Variants in BAZ2B observed in about 807,000 individuals in gnomAD.
BAZ2B encodes the protein bromodomain adjacent to zinc finger domain protein 2B.
Under a neutral mutation model 246.0 loss-of-function variants are expected in BAZ2B, and 91 were observed. The observed-to-expected ratio is 0.37, with a 90% CI of 0.31 to 0.44. The LOEUF (loss-of-function observed/expected upper bound fraction) is 0.44. BAZ2B is among the 20% of genes least tolerant of loss of function. The probability of loss-of-function intolerance (pLI) is 1.00; values close to 1 mark genes in which losing one functional copy is unlikely to be tolerated. For synonymous variants in BAZ2B, 855 were observed against 860.0 expected (o/e 0.99, Z 0.10); for missense variants, 2,332 against 2,533.7 (o/e 0.92, Z 1.71).
At chr2:159,374,645 CTA>C (rs1226796221) in intron 26 of BAZ2B, 44 bp downstream of exon 26, 1 of 1,531,278 alleles carries the variant, frequency 6.5e-7, no homozygotes, top group African/African-American at 1.4e-5. Context: ...ATGTAGATTT[CTA>C]AAACACTGTG....
chr2:159,344,484 A>G (rs1298495111), intron 31 of BAZ2B, among the ~76,000 whole-genome samples: 1 of 151,044 alleles, frequency 6.6e-6, no homozygotes, highest in Non-Finnish European at 1.5e-5. Context: ...CGGTGAGCTG[A>G]GATGGCGCCA....
chr2:159,327,816 C>T (rs1294650538), intron 34 of BAZ2B, among the ~76,000 whole-genome samples: 3 of 152,116 alleles, frequency 2.0e-5, no homozygotes, highest in African/African-American at 4.8e-5. Flanking sequence ...GTAATCCCAG[C>T]GCTTTGGGAG....
At chr2:159,415,709 C>T (rs1050010390) in intron 13 of BAZ2B, among the ~76,000 whole-genome samples, 3 of 152,114 alleles carry the variant, frequency 2.0e-5, no homozygotes, top group Non-Finnish European at 4.4e-5. Flanking sequence ...AGAAACTGTG[C>T]AACCAAAAAT....
chr2:159,641,885 C>T, the BAZ2B span, among the ~76,000 whole-genome samples: 1 of 152,120 alleles, frequency 6.6e-6, no homozygotes, highest in East Asian at 1.9e-4. Flanking sequence ...CTCCTCTGCT[C>T]ACAAGGTAAA....
chr2:159,378,343 T>G (rs4665066), intron 25 of BAZ2B, among the ~76,000 whole-genome samples: 100,847 of 152,078 alleles, frequency 0.66, 35,639 homozygotes, highest in Non-Finnish European at 0.81. Flanking sequence ...GGAATCTCAA[T>G]GTAGTCTCAT....
intron 13 of BAZ2B, among the ~76,000 whole-genome samples, chr2:159,416,489 C>G (rs1265681894): frequency 6.6e-6 from 1 of 152,140 alleles, no homozygotes; most frequent in African/African-American, 2.4e-5. Flanking sequence ...ATAAAGGTAA[C>G]ATTCATGATA....
chr2:159,545,847 G>A (rs535420912), intron 2 of BAZ2B, among the ~76,000 whole-genome samples: 1 of 152,144 alleles, frequency 6.6e-6, no homozygotes, highest in Non-Finnish European at 1.5e-5. Context: ...CAGAAAAAAG[G>A]TTTTGTGAAA....
At chr2:159,501,129 T>C (rs1187540607) in intron 2 of BAZ2B, among the ~76,000 whole-genome samples, 2 of 41,212 alleles carry the variant, frequency 4.9e-5, no homozygotes. Flanking sequence ...ATATAATATA[T>C]ATATATATTT....
intron 13 of BAZ2B, among the ~76,000 whole-genome samples, chr2:159,425,943 T>A (rs1022537274): frequency 6.6e-6 from 1 of 152,224 alleles, no homozygotes; most frequent in Non-Finnish European, 1.5e-5. Context: ...CATCTCTAAT[T>A]AATTAACTAG....
At chr2:159,476,929 C>T (rs1030693660) in intron 3 of BAZ2B, among the ~76,000 whole-genome samples, 2 of 152,110 alleles carry the variant, frequency 1.3e-5, no homozygotes. Flanking sequence ...CATCATTTTG[C>T]GTATAAGGGA....
At chr2:159,647,733 A>C in the BAZ2B span, among the ~76,000 whole-genome samples, 1 of 152,226 alleles carries the variant, frequency 6.6e-6, no homozygotes, top group South Asian at 2.1e-4. Flanking sequence ...ATAAAATAAA[A>C]AAATCATCAC....
chr2:159,407,196 G>C (rs1490440754), intron 14 of BAZ2B, among the ~76,000 whole-genome samples: 1 of 151,772 alleles, frequency 6.6e-6, no homozygotes, highest in Non-Finnish European at 1.5e-5. Context: ...AACTGGCTGG[G>C]CACAGTGGCT....
At chr2:159,657,813 G>A in the BAZ2B span, among the ~76,000 whole-genome samples, 1 of 152,152 alleles carries the variant, frequency 6.6e-6, no homozygotes, top group African/African-American at 2.4e-5. Context: ...ACTTCGTATC[G>A]TGCAGCTTTG....
At chr2:159,383,075 T>C (rs912734368) in intron 24 of BAZ2B, among the ~76,000 whole-genome samples, 7 of 152,198 alleles carry the variant, frequency 4.6e-5, no homozygotes, top group Admixed American at 1.3e-4. Flanking sequence ...ATTCTAACAA[T>C]GGCTGAGTAA....
intron 27 of BAZ2B, among the ~76,000 whole-genome samples, chr2:159,360,988 C>G (rs1014772751): frequency 6.6e-6 from 1 of 152,238 alleles, no homozygotes; most frequent in African/African-American, 2.4e-5. Context: ...GACCTAAAAC[C>G]ATAAAAACCC....
intron 14 of BAZ2B, 73 bp downstream of exon 14, chr2:159,412,262 T>C (rs895482621): frequency 6.9e-7 from 1 of 1,447,648 alleles, no homozygotes; most frequent in South Asian, 1.2e-5. Flanking sequence ...CAATCCTAAG[T>C]CAAAAATATT....
chr2:159,595,108 C>CT (rs35331660), intron 1 of BAZ2B, among the ~76,000 whole-genome samples: 72,224 of 148,042 alleles, frequency 0.49, 17,612 homozygotes, highest in East Asian at 0.74. Flanking sequence ...TAAACATATA[C>CT]TTTTTTTTTT....
intron 4 of BAZ2B, among the ~76,000 whole-genome samples, chr2:159,452,908 T>C (rs539140826): frequency 1.3e-5 from 2 of 152,284 alleles, no homozygotes; most frequent in South Asian, 4.1e-4. Flanking sequence ...AAGACCAGCC[T>C]GGCCAACATG....
chr2:159,678,836 A>G, the BAZ2B span, among the ~76,000 whole-genome samples: 3 of 152,296 alleles, frequency 2.0e-5, no homozygotes, highest in East Asian at 5.8e-4. Context: ...CAGTTTCACA[A>G]TCCCTAACCC....
Sources: gnomAD v4.1 joint callset for allele counts (sites outside exome capture counted in the v4.1 genomes callset) on GRCh38, gnomAD v4.1.1 for gene constraint, MANE v1.5 for transcripts, NCBI Gene and HGNC (gene_info 2026-07-23, HGNC 2026-07-21) for gene names.